The following PWWP3B variants were observed in gnomAD, a reference collection of about 807,000 sequenced individuals.
PWWP3B encodes the protein PWWP domain-containing DNA repair factor 3B.
A neutral mutation model predicts 15.7 loss-of-function variants in PWWP3B; 5 were observed. That is an observed-to-expected ratio of 0.32 (90% CI 0.17 to 0.67). The LOEUF (loss-of-function observed/expected upper bound fraction) is 0.67, where lower values mean the gene tolerates loss of function less well. PWWP3B is among the 30% of genes least tolerant of loss of function. The pLI is 0.74. For missense variants in PWWP3B, 519 were observed against 493.1 expected (o/e 1.05, Z -0.50); for synonymous variants, 203 against 179.8 (o/e 1.13, Z -1.03).
At chrX:106,187,161 G>A (rs778919965) in intron 2 of PWWP3B, among the ~76,000 whole-genome samples, 15 of 111,564 alleles carry the variant, frequency 1.3e-4, no homozygotes, top group Non-Finnish European at 2.4e-4. Flanking sequence ...AAATTCCCCA[G>A]GGCAAACCCC....
chrX:106,204,479 C>T, intron 3 of PWWP3B, among the ~76,000 whole-genome samples: 1 of 111,924 alleles, frequency 8.9e-6, no homozygotes, highest in Non-Finnish European at 1.9e-5. Context: ...GGCCAATGGC[C>T]TGACTCTCCA....
At chrX:106,200,429 G>A (rs1923631191) in intron 2 of PWWP3B, among the ~76,000 whole-genome samples, 1 of 110,941 alleles carries the variant, frequency 9.0e-6, no homozygotes, top group African/African-American at 3.3e-5. Flanking sequence ...CCTAGAGATG[G>A]CTTTCATTGA....
intron 2 of PWWP3B, among the ~76,000 whole-genome samples, chrX:106,197,292 C>T (rs1923436689): frequency 8.9e-6 from 1 of 111,819 alleles, no homozygotes; most frequent in Non-Finnish European, 1.9e-5. Flanking sequence ...CTACTTCTCC[C>T]TGAGCAGCAA....
chrX:106,189,860 G>A (rs1216015474), intron 2 of PWWP3B, among the ~76,000 whole-genome samples: 29 of 111,131 alleles, frequency 2.6e-4, no homozygotes, highest in African/African-American at 3.9e-4. Flanking sequence ...CTCGTGATCC[G>A]CCTGCCTCGG....
chrX:106,189,652 C>T (rs1170257409), intron 2 of PWWP3B, among the ~76,000 whole-genome samples: 1 of 94,935 alleles, frequency 1.1e-5, no homozygotes, highest in African/African-American at 4.0e-5. Flanking sequence ...GAGTCTCGCT[C>T]TGTCGCCCAG....
intron 2 of PWWP3B, among the ~76,000 whole-genome samples, chrX:106,192,465 A>C (rs1923050060): frequency 9.1e-6 from 1 of 110,197 alleles, no homozygotes; most frequent in Non-Finnish European, 1.9e-5. Context: ...GCGGTCTATC[A>C]ATTTTGTTGA....
intron 2 of PWWP3B, among the ~76,000 whole-genome samples, chrX:106,183,840 T>C (rs1431275210): frequency 1.8e-5 from 2 of 112,365 alleles, no homozygotes; most frequent in African/African-American, 3.2e-5. Flanking sequence ...CTTGTCCTGG[T>C]CACCCTCAGT....
rs937960701 is a variant in PWWP3B, at chrX:106,168,442, G to A, written c.-529+17G>A. On this transcript the variant is annotated intron_variant, in intron 1 of 3. Transcript: ENST00000357175. The stretch of plus-strand genomic sequence containing the variant: ...GGAATAAAGGTGAGAAAAGAAGAGA[G>A]TGCTGCTTAGGAATAACGGGAAAGG... 8.9e-6 allele frequency: 1 copy of A among 112,340 alleles called. No homozygotes were observed. Among genetic ancestry groups the A allele is most frequent in the African/African-American group, 3.2e-5 (1 of 30,905 alleles). The allele number at this position is 112,340 out of a possible 1,213,427, so 9.3% of individuals were successfully genotyped here. A position where few individuals can be genotyped will look rare whatever the true frequency, so the allele number is the denominator to read the frequency against.
intron 2 of PWWP3B, among the ~76,000 whole-genome samples, chrX:106,191,656 A>G (rs1922971986): frequency 1.8e-5 from 2 of 111,495 alleles, no homozygotes; most frequent in Admixed American, 9.5e-5. Flanking sequence ...TTGCCCATTC[A>G]GTATGATATT....
chrX:106,205,385 C>T lies in PWWP3B; in HGVS notation c.-48C>T. The T allele has an allele frequency of 1.9e-6, 2 of 1,055,141 alleles. No individual in the cohort carries two copies. Among genetic ancestry groups the T allele is most frequent in the Non-Finnish European group, 2.5e-6 (2 of 804,047 alleles). The allele number at this position is 1,055,141 out of a possible 1,213,427, so 87.0% of individuals were successfully genotyped here. A position where few individuals can be genotyped will look rare whatever the true frequency, so the allele number is the denominator to read the frequency against. ...CTTGCATTAGCAGTGACAAAGATAG[C>T]CACCTCAACCTTTGGTAATAACCCT... On this transcript the variant is annotated 5_prime_UTR_variant, in exon 4 of 4. Coordinates refer to ENST00000357175, the MANE Select transcript of PWWP3B (RefSeq NM_001171020.2).
rs771260235 is a variant in PWWP3B, at chrX:106,207,006, C to A, written c.1574C>A (p.Pro525Gln). ...PKLHNEDAREPMAVTSQTKKM... is the reference protein window; with the variant it reads ...PKLHNEDAREQMAVTSQTKKM... ...CTGCATAATGAAGATGCCAGGGAAC[C>A]GATGGCTGTAACTTCCCAGACCAAG... The change falls in exon 4 of 4, where the codon CCG becomes CAG. Residue 525 changes from proline (P) to glutamine (Q), a missense_variant. Pro to Gln is a moderately conservative substitution (Grantham distance 76). Transcript: ENST00000357175. The A allele has an allele frequency of 8.3e-7, 1 of 1,209,997 alleles. No homozygotes were observed.
chrX:106,185,048 A>C (rs184416751), intron 2 of PWWP3B, among the ~76,000 whole-genome samples: 1 of 111,927 alleles, frequency 8.9e-6, no homozygotes, highest in Admixed American at 9.4e-5. Flanking sequence ...TTCTCCTTCA[A>C]TGAAAAGAAA....
intron 2 of PWWP3B, among the ~76,000 whole-genome samples, chrX:106,196,507 G>A (rs891004931): frequency 1.8e-5 from 2 of 111,556 alleles, no homozygotes; most frequent in African/African-American, 6.5e-5. Context: ...ATCATTATTT[G>A]TGGAATGTTG....
intron 2 of PWWP3B, among the ~76,000 whole-genome samples, chrX:106,203,273 A>C (rs1923804124): frequency 1.8e-5 from 2 of 112,130 alleles, no homozygotes; most frequent in South Asian, 7.3e-4. Flanking sequence ...ATTTTTAATA[A>C]GCTTCTGGAT....
Position 106,206,120 on chromosome X carries a change from T to G in PWWP3B, c.688T>G (p.Cys230Gly), listed in dbSNP as rs1923999094. 8.3e-7 allele frequency: 1 copy of G among 1,209,541 alleles called. No individual in the cohort carries two copies. The highest frequency in any genetic ancestry group is 1.1e-6 in the Non-Finnish European group (1 of 894,814). The change falls in exon 4 of 4, where the codon TGT (cysteine) becomes GGT (glycine). Residue 230 changes from cysteine (C) to glycine (G), a missense_variant. By Grantham distance (159) the Cys-to-Gly change is radical. Transcript: ENST00000357175. ...VHSAVKEESA[C>G]VKDEKFAPPL... ...TTCTGCAGTCAAAGAGGAAAGTGCATGTGTTAAAGATGAAAAGTTTGCTCC... is the reference window on the plus strand; with the variant it reads ...TTCTGCAGTCAAAGAGGAAAGTGCAGGTGTTAAAGATGAAAAGTTTGCTCC...
At chrX:106,195,052 C>G (rs1375932292) in intron 2 of PWWP3B, among the ~76,000 whole-genome samples, 1 of 111,823 alleles carries the variant, frequency 8.9e-6, no homozygotes, top group Non-Finnish European at 1.9e-5. Context: ...CCACTACTCT[C>G]TTCAAAGCTG....
At chrX:106,188,112 G>A (rs1314779505) in intron 2 of PWWP3B, among the ~76,000 whole-genome samples, 1 of 111,155 alleles carries the variant, frequency 9.0e-6, no homozygotes, top group African/African-American at 3.3e-5. Flanking sequence ...TTCATGTACT[G>A]TACAATGCTG....
chrX:106,168,887 T>C (rs1178205514), intron 1 of PWWP3B, among the ~76,000 whole-genome samples: 1 of 112,042 alleles, frequency 8.9e-6, no homozygotes, highest in Admixed American at 9.5e-5. Flanking sequence ...ATTAGTTTGG[T>C]TATTTGTCAA....
chrX:106,170,522 G>A (rs754569573), intron 1 of PWWP3B, among the ~76,000 whole-genome samples: 2 of 112,013 alleles, frequency 1.8e-5, no homozygotes, highest in East Asian at 5.6e-4. Context: ...GTCACAAGAT[G>A]GTGCTTGCCA....
Sources: gnomAD v4.1 joint callset for allele counts (sites outside exome capture counted in the v4.1 genomes callset) on GRCh38, gnomAD v4.1.1 for gene constraint, MANE v1.5 for transcripts, NCBI Gene and HGNC (gene_info 2026-07-23, HGNC 2026-07-21) for gene names.